Variants in DCDC1 observed in about 807,000 individuals in gnomAD.
The protein encoded by DCDC1 is doublecortin domain-containing protein 1.
DCDC1 carries 200 observed loss-of-function variants against 178.3 expected under a neutral mutation model. That is an observed-to-expected ratio of 1.12 (90% CI 1.00 to 1.26). The LOEUF is 1.26. DCDC1 is among the 50% of genes most tolerant of loss of function. The pLI, the probability that DCDC1 is intolerant of heterozygous loss-of-function variation, is 0.00. For synonymous variants in DCDC1, 690 were observed against 604.8 expected, an observed-to-expected ratio of 1.14 and a Z score of -2.07; for missense variants, 1,983 against 1,749.2, an observed-to-expected ratio of 1.13 and a Z score of -2.38.
At chr11:31,207,516 C>A (rs769626937) in intron 9 of DCDC1, among the ~76,000 whole-genome samples, 2 of 150,370 alleles carry the variant, frequency 1.3e-5, no homozygotes, top group Non-Finnish European at 2.9e-5. Context: ...ATTTTACCAG[C>A]ACACCTGCAT....
intron 9 of DCDC1, among the ~76,000 whole-genome samples, chr11:31,177,156 T>C (rs1968151544): frequency 6.6e-6 from 1 of 151,920 alleles, no homozygotes; most frequent in Non-Finnish European, 1.5e-5. Flanking sequence ...CAAATATAAA[T>C]TGTTGGGAGG....
chr11:31,232,220 A>G (rs1975857416), intron 9 of DCDC1, among the ~76,000 whole-genome samples: 1 of 152,234 alleles, frequency 6.6e-6, no homozygotes, highest in Non-Finnish European at 1.5e-5. Context: ...GTTATGAATT[A>G]ATATTTTTTA....
intron 20 of DCDC1, among the ~76,000 whole-genome samples, chr11:30,954,240 C>A (rs1424913350): frequency 6.6e-6 from 1 of 152,026 alleles, no homozygotes; most frequent in Admixed American, 6.6e-5. Flanking sequence ...TGGTCTCGAT[C>A]TCCTGACCTC....
chr11:31,056,272 A>T (rs1399089396), intron 20 of DCDC1, among the ~76,000 whole-genome samples: 1 of 152,066 alleles, frequency 6.6e-6, no homozygotes, highest in African/African-American at 2.4e-5. Context: ...GAGGAGACCA[A>T]AAAAGAGAGA....
chr11:31,203,939 C>A (rs527257854), intron 9 of DCDC1, among the ~76,000 whole-genome samples: 1 of 152,122 alleles, frequency 6.6e-6, no homozygotes, highest in South Asian at 2.1e-4. Context: ...ACAAATTCTA[C>A]AATCAAGAGC....
intron 9 of DCDC1, among the ~76,000 whole-genome samples, chr11:31,238,812 T>C (rs1976759216): frequency 6.6e-6 from 1 of 152,138 alleles, no homozygotes; most frequent in South Asian, 2.1e-4. Flanking sequence ...AGTGACTTTG[T>C]GCTGTTCTAA....
chr11:31,231,214 C>G (rs1450424198), intron 9 of DCDC1, among the ~76,000 whole-genome samples: 7 of 152,124 alleles, frequency 4.6e-5, no homozygotes, highest in African/African-American at 7.2e-5. Context: ...CCCCCTGCCT[C>G]TGCCTCCCAA....
intron 9 of DCDC1, among the ~76,000 whole-genome samples, chr11:31,214,117 G>GT (rs11352740): frequency 7.9e-5 from 12 of 151,682 alleles, no homozygotes; most frequent in African/African-American, 2.7e-4. Context: ...ATTGTAAAAA[G>GT]TTTTTTTTAT....
intron 1 of DCDC1, among the ~76,000 whole-genome samples, chr11:31,349,366 C>T (rs1396887788): frequency 6.6e-6 from 1 of 152,118 alleles, no homozygotes; most frequent in Non-Finnish European, 1.5e-5. Context: ...ATTCCTGACC[C>T]CATCATCTAT....
chr11:30,952,405 G>C, intron 21 of DCDC1, 40 bp downstream of exon 21: 1 of 1,490,980 alleles, frequency 6.7e-7, no homozygotes, highest in South Asian at 1.3e-5. Flanking sequence ...GGGCCTTAAA[G>C]TAAGTCTCAA....
intron 20 of DCDC1, among the ~76,000 whole-genome samples, chr11:31,021,773 G>T (rs538086348): frequency 6.6e-6 from 1 of 152,236 alleles, no homozygotes; most frequent in African/African-American, 2.4e-5. Context: ...AGCATAGAAA[G>T]TGCTGTCCAA....
At chr11:31,295,532 T>C (rs1947624982) in intron 6 of DCDC1, among the ~76,000 whole-genome samples, 1 of 152,110 alleles carries the variant, frequency 6.6e-6, no homozygotes, top group Admixed American at 6.5e-5. Flanking sequence ...CTCCTCCCTC[T>C]TACCTAGGGA....
At chr11:31,358,525 T>C (rs1418581285) in intron 1 of DCDC1, among the ~76,000 whole-genome samples, 1 of 151,592 alleles carries the variant, frequency 6.6e-6, no homozygotes, top group Admixed American at 6.6e-5. Context: ...GACATAGGCA[T>C]GGGCAAGGAC....
At chr11:31,138,455 T>A (rs1030457353) in intron 9 of DCDC1, among the ~76,000 whole-genome samples, 1 of 152,238 alleles carries the variant, frequency 6.6e-6, no homozygotes, top group Admixed American at 6.5e-5. Context: ...ATGTTTTATA[T>A]GAAATTCTTA....
At chr11:31,233,522 G>C (rs911543471) in intron 9 of DCDC1, among the ~76,000 whole-genome samples, 5 of 152,118 alleles carry the variant, frequency 3.3e-5, no homozygotes, top group Admixed American at 6.6e-5. Context: ...GTACCCAAAA[G>C]ATAAGGTTAA....
At position 31,290,782 on chromosome 11, in the gene DCDC1, T is replaced by A. The variant is rs769923964; in HGVS notation, c.825A>T (p.Arg275Ser). Reference protein sequence around the residue: ...NGLMLPTDIKRRKTKPVLSIR... With the variant: ...NGLMLPTDIKSRKTKPVLSIR... Reference sequence around the variant, plus strand: ...TAGAAAGAACAGGCTTGGTTTTCCGTCTTTTGATATCAGTAGGAAGCATCA... The same window carrying A: ...TAGAAAGAACAGGCTTGGTTTTCCGACTTTTGATATCAGTAGGAAGCATCA... Residue 275 changes from arginine to serine, a missense_variant, in exon 7 of 39, where the codon AGA becomes AGT. Coordinates refer to ENST00000684477, the MANE Select transcript of DCDC1 (RefSeq NM_001387274.1). 1 of 1,613,476 alleles carries A rather than the reference T, an allele frequency of 6.2e-7. No individual in the cohort carries two copies. Among genetic ancestry groups the A allele is most frequent in the Non-Finnish European group, 8.5e-7 (1 of 1,179,570 alleles).
intron 20 of DCDC1, among the ~76,000 whole-genome samples, chr11:31,032,578 AAAATACTAATGAG>A (rs1360503612): frequency 6.6e-6 from 1 of 152,158 alleles, no homozygotes; most frequent in Non-Finnish European, 1.5e-5. Context: ...ATTGTAGGGA[AAAATACTAATGAG>A]ACAGTGTAAA....
chr11:31,131,427 C>T (rs1226972270), intron 10 of DCDC1, among the ~76,000 whole-genome samples: 1 of 152,072 alleles, frequency 6.6e-6, no homozygotes, highest in Non-Finnish European at 1.5e-5. Flanking sequence ...GTTAATTCTA[C>T]AAGAAAGTTG....
intron 8 of DCDC1, among the ~76,000 whole-genome samples, chr11:31,250,413 C>CACACACACAT (rs1476922348): frequency 1.1e-5 from 1 of 93,070 alleles, no homozygotes; most frequent in African/African-American, 5.1e-5. Flanking sequence ...CACACACACA[C>CACACACACAT]ACATATACAT....
Sources: allele counts gnomAD v4.1 joint callset (sites outside exome capture counted in the v4.1 genomes callset), GRCh38; gene constraint gnomAD v4.1.1; transcripts MANE v1.5; gene names NCBI Gene and HGNC (gene_info 2026-07-23, HGNC 2026-07-21).